Variants in OR4B1 observed in about 807,000 individuals in gnomAD.
The protein encoded by OR4B1 is olfactory receptor family 4 subfamily B member 1.
For synonymous variants in OR4B1, 196 were observed against 141.2 expected, an observed-to-expected ratio of 1.39 and a Z score of -2.75; for missense variants, 520 against 370.7, an observed-to-expected ratio of 1.40 and a Z score of -3.31.
rs771130172 is a variant in OR4B1 at position 48,217,002 on chromosome 11, T to G, written c.193T>G (p.Ser65Ala). Reference sequence around the variant, plus strand: ...CATGTACTTCTTCCTTAGCTGCCTGTCCTTGGTGGAGATCAGTTATTCCTC... The same window carrying G: ...CATGTACTTCTTCCTTAGCTGCCTGGCCTTGGTGGAGATCAGTTATTCCTC... Reference protein sequence around the residue: ...SPMYFFLSCLSLVEISYSSTI... With the variant: ...SPMYFFLSCLALVEISYSSTI... The change falls in exon 1 of 1, where the codon TCC becomes GCC. Residue 65 changes from serine (S) to alanine (A), a missense_variant. Coordinates refer to ENST00000309562, the MANE Select transcript of OR4B1 (RefSeq NM_001005470.1). 1 of 1,614,074 alleles carries G rather than the reference T, an allele frequency of 6.2e-7. No homozygotes were observed. Among genetic ancestry groups the G allele is most frequent in the Non-Finnish European group, 8.5e-7 (1 of 1,179,934 alleles).
Position 48,216,942 on chromosome 11 carries a change from C to T in OR4B1, c.133C>T (p.Leu45=), listed in dbSNP as rs1858630038. 1 of 1,613,994 alleles carries T rather than the reference C, an allele frequency of 6.2e-7. No individual in the cohort carries two copies. Residue 45 remains leucine, a synonymous_variant, in exon 1 of 1, where the codon CTG becomes TTG. Transcript: ENST00000309562. ...GGTGGTGGGCAATGGCCTCATCGTT[C>T]TGACGGTCAGTATCAGCAAGAGTCT... ...ATVVGNGLIV[L]TVSISKSLDS...
Position 48,216,916 on chromosome 11 carries a change from C to T in OR4B1, c.107C>T (p.Thr36Met), listed in dbSNP as rs145509417. The stretch of plus-strand genomic sequence containing the variant: ...GTGTTTCTCCCCGTGTACCTTGCCA[C>T]GGTGGTGGGCAATGGCCTCATCGTT... Reference protein sequence around the residue: ...FVVFLPVYLATVVGNGLIVLT... With the variant: ...FVVFLPVYLAMVVGNGLIVLT... The change falls in exon 1 of 1, where the codon ACG becomes ATG. Residue 36 changes from threonine to methionine, a missense_variant. Transcript: ENST00000309562. The T allele has an allele frequency of 6.4e-4, 1,039 of 1,613,718 alleles. No individual in the cohort carries two copies. Among genetic ancestry groups the T allele is most frequent in the Non-Finnish European group, 8.3e-4 (976 of 1,179,782 alleles).
In OR4B1 at chr11:48,217,035, G is replaced by C. The variant is rs550081185; in HGVS notation, c.226G>C (p.Ala76Pro). 1 of 1,613,674 alleles carries C rather than the reference G, an allele frequency of 6.2e-7. No homozygotes were observed. The highest frequency in any genetic ancestry group is 8.5e-7 in the Non-Finnish European group (1 of 1,179,682). Residue 76 changes from alanine (A) to proline (P), a missense_variant, in exon 1 of 1, where the codon GCC (alanine) becomes CCC (proline). Coordinates refer to ENST00000309562, the MANE Select transcript of OR4B1 (RefSeq NM_001005470.1). Reference sequence around the variant, plus strand: ...GGAGATCAGTTATTCCTCCACTATCGCCCCTAAATTCATCATAGACTTACT... The same window carrying C: ...GGAGATCAGTTATTCCTCCACTATCCCCCCTAAATTCATCATAGACTTACT... ...LVEISYSSTI[A>P]PKFIIDLLAK...
chr11:48,217,683 G>T lies in OR4B1; in HGVS notation c.874G>T (p.Val292Leu). 1.2e-6 allele frequency: 2 copies of T among 1,604,630 alleles called. No homozygotes were observed. Among genetic ancestry groups the T allele is most frequent in the African/African-American group, 2.7e-5 (2 of 75,020 alleles). The change falls in exon 1 of 1, where the codon GTG (valine) becomes TTG (leucine). Residue 292 changes from valine to leucine, a missense_variant. Transcript: ENST00000309562. Reference protein sequence around the residue: ...PIIYTLRNAEVKIAIRRLWSK... With the variant: ...PIIYTLRNAELKIAIRRLWSK... ...CATTTACACACTCAGGAATGCAGAG[G>T]TGAAAATCGCCATAAGAAGATTGTG...
At position 48,217,456 on chromosome 11, in the gene OR4B1, A is replaced by T; in HGVS notation, c.647A>T (p.Tyr216Phe). 6.2e-7 allele frequency: 1 copy of T among 1,613,986 alleles called. No individual in the cohort carries two copies. The highest frequency in any genetic ancestry group is 1.1e-5 in the South Asian group (1 of 91,078). The change falls in exon 1 of 1, where the codon TAT (tyrosine) becomes TTT (phenylalanine). Residue 216 changes from tyrosine to phenylalanine, a missense_variant. Tyr to Phe is a conservative substitution (Grantham distance 22). Coordinates refer to ENST00000309562, the MANE Select transcript of OR4B1 (RefSeq NM_001005470.1). ...VFSFLILVSS[Y>F]IVILVNLRNH... is the part of the protein sequence containing the mutation. ...TCCTTCCTCATCTTGGTGTCCTCTT[A>T]TATTGTCATTCTGGTCAACTTGAGG...
rs564104088 is a variant in OR4B1 at position 48,216,938 on chromosome 11, C to T, written c.129C>T (p.Ile43=). The T allele has an allele frequency of 5.6e-6, 9 of 1,614,000 alleles. No individual in the cohort carries two copies. Among genetic ancestry groups the T allele is most frequent in the East Asian group, 2.2e-5 (1 of 44,862 alleles). ...YLATVVGNGL[I]VLTVSISKSL... is the part of the protein sequence containing the mutation. Reference sequence around the variant, plus strand: ...CCACGGTGGTGGGCAATGGCCTCATCGTTCTGACGGTCAGTATCAGCAAGA... The same window carrying T: ...CCACGGTGGTGGGCAATGGCCTCATTGTTCTGACGGTCAGTATCAGCAAGA... Residue 43 remains isoleucine, a synonymous_variant, in exon 1 of 1, where the codon ATC becomes ATT. Transcript: ENST00000309562.
Position 48,217,444 on chromosome 11 carries a change from T to A in OR4B1, c.635T>A (p.Leu212Ter), listed in dbSNP as rs199813864. 7.1e-5 allele frequency: 114 copies of A among 1,614,184 alleles called. No individual in the cohort carries two copies. The Middle Eastern group carries it at 1.5e-3, about 21-fold the overall frequency. Residue 212 changes from leucine (L) to a stop codon, truncating the protein, a stop_gained, in exon 1 of 1, where the codon TTG (leucine) becomes TAG (stop). Transcript: ENST00000309562. LOFTEE classifies it low-confidence loss of function (END_TRUNC). ...GLFSVFSFLI[L>*]VSSYIVILVN... ...TTCTCTGTCTTCTCCTTCCTCATCT[T>A]GGTGTCCTCTTATATTGTCATTCTG...
Position 48,217,547 on chromosome 11 carries a change from C to T in OR4B1, c.738C>T (p.Ile246=). The T allele has an allele frequency of 6.2e-7, 1 of 1,614,178 alleles. No individual in the cohort carries two copies. The highest frequency in any genetic ancestry group is 8.5e-7 in the Non-Finnish European group (1 of 1,180,030). ...STCASHITVV[I]LFFGPAIFLY... ...GTGCTTCTCACATCACAGTGGTCAT[C>T]TTGTTTTTTGGACCTGCTATCTTCC... The change falls in exon 1 of 1, where the codon ATC becomes ATT. Residue 246 remains isoleucine (I), a synonymous_variant. Coordinates refer to ENST00000309562, the MANE Select transcript of OR4B1 (RefSeq NM_001005470.1).
chr11:48,217,215 C>A lies in OR4B1; in HGVS notation c.406C>A (p.Arg136Ser). Residue 136 changes from arginine to serine, a missense_variant, in exon 1 of 1, where the codon CGT becomes AGT. Transcript: ENST00000309562. The stretch of plus-strand genomic sequence containing the variant: ...TCTTCATTATATGAACATTATCAGT[C>A]GTCAACTGTGTCACCTTCTGGTGGC... ...KPLHYMNIIS[R>S]QLCHLLVAGS... The A allele has an allele frequency of 6.2e-7, 1 of 1,614,128 alleles. No individual in the cohort carries two copies. Among genetic ancestry groups the A allele is most frequent in the African/African-American group, 1.3e-5 (1 of 75,024 alleles).
Position 48,217,730 on chromosome 11 carries a change from G to A in OR4B1, c.921G>A (p.Gly307=). 3 of 1,588,328 alleles carry A rather than the reference G, an allele frequency of 1.9e-6. No homozygotes were observed. Among genetic ancestry groups the A allele is most frequent in the Non-Finnish European group, 2.6e-6 (3 of 1,172,600 alleles). Residue 307 remains glycine (G), a synonymous_variant, in exon 1 of 1, where the codon GGG becomes GGA. Transcript: ENST00000309562. ...RRLWSKKENP[G]RE ...TGTGGAGCAAAAAGGAGAATCCAGGGAGGGAGTGAAAAAAGAGCTTAGGGA... is the reference window on the plus strand; with the variant it reads ...TGTGGAGCAAAAAGGAGAATCCAGGAAGGGAGTGAAAAAAGAGCTTAGGGA...
chr11:48,217,118 C>G lies in OR4B1; in HGVS notation c.309C>G (p.His103Gln). Residue 103 changes from histidine to glutamine, a missense_variant, in exon 1 of 1, where the codon CAC becomes CAG. By Grantham distance (24) the His-to-Gln change is conservative. Transcript: ENST00000309562. ...EGCLTQIFFF[H>Q]FFGVAEILLI... ...GTCTGACTCAGATATTCTTCTTCCA[C>G]TTCTTTGGGGTTGCTGAGATCCTTT... 6.2e-7 allele frequency: 1 copy of G among 1,614,126 alleles called. No homozygotes were observed. The highest frequency in any genetic ancestry group is 2.2e-5 in the East Asian group (1 of 44,890).
chr11:48,217,077 ATCTCTCTGG>A lies in OR4B1; in HGVS notation c.269_277del (p.Ile90_Glu93delinsLys). 1 of 1,614,046 alleles carries A rather than the reference ATCTCTCTGG, an allele frequency of 6.2e-7. No homozygotes were observed. The highest frequency in any genetic ancestry group is 8.5e-7 in the Non-Finnish European group (1 of 1,179,982). On this transcript the variant is annotated inframe_deletion, in exon 1 of 1. Transcript: ENST00000309562. ...AGACTTACTTGCCAAGATTAAAACCATCTCTCTGGAAGGCTGTCTGACTCAGATATTCTT... is the reference window on the plus strand; with the variant it reads ...AGACTTACTTGCCAAGATTAAAACCAAAGGCTGTCTGACTCAGATATTCTT...
chr11:48,217,160 CTA>C lies in OR4B1; in HGVS notation c.353_354del (p.Tyr118Ter), dbSNP rs1565350502. 1 of 1,614,126 alleles carries C rather than the reference CTA, an allele frequency of 6.2e-7. No homozygotes were observed. ...AGATCCTTTTGATTGTGGTGATGGC[CTA>C]TGATTGCTACGTGGCCATTTGCAAG... ...AEILLIVVMA[Y>X]DCYVAICKPL... On this transcript the variant is annotated frameshift_variant, in exon 1 of 1. Coordinates refer to ENST00000309562, the MANE Select transcript of OR4B1 (RefSeq NM_001005470.1). LOFTEE classifies it low-confidence loss of function (END_TRUNC).
Position 48,217,189 on chromosome 11 carries a change from C to A in OR4B1, c.380C>A (p.Pro127His), listed in dbSNP as rs776267849. 1.2e-6 allele frequency: 2 copies of A among 1,614,112 alleles called. No homozygotes were observed. Among genetic ancestry groups the A allele is most frequent in the Admixed American group, 1.7e-5 (1 of 59,990 alleles). The part of the protein sequence containing the change: ...AYDCYVAICK[P>H]LHYMNIISRQ... ...GATTGCTACGTGGCCATTTGCAAGC[C>A]TCTTCATTATATGAACATTATCAGT... is the stretch of plus-strand genomic sequence containing the variant. Residue 127 changes from proline (P) to histidine (H), a missense_variant, in exon 1 of 1, where the codon CCT becomes CAT. Physicochemically the swap from Pro to His is moderately conservative, Grantham distance 77 (BLOSUM62 -2). Coordinates refer to ENST00000309562, the MANE Select transcript of OR4B1 (RefSeq NM_001005470.1).
At position 48,217,298 on chromosome 11, in the gene OR4B1, A is replaced by G. The variant is rs781575904; in HGVS notation, c.489A>G (p.Gln163=). The G allele has an allele frequency of 5.0e-6, 8 of 1,614,026 alleles. No homozygotes were observed. The highest frequency in any genetic ancestry group is 1.1e-5 in the South Asian group (1 of 91,072). Residue 163 remains glutamine, a synonymous_variant, in exon 1 of 1, where the codon CAA becomes CAG. Transcript: ENST00000309562. ...HSIIQILVII[Q]LPFCGPNVID... The stretch of plus-strand genomic sequence containing the variant: ...TAATTCAGATTCTCGTTATCATCCA[A>G]TTGCCCTTCTGTGGTCCCAATGTGA...
chr11:48,217,391 G>A lies in OR4B1; in HGVS notation c.582G>A (p.Gly194=). ...KLACTDTFME[G]VIVLANSGLF... is the part of the protein sequence containing the mutation. ...CCTGCACTGACACCTTCATGGAGGG[G>A]GTTATTGTGTTGGCCAACAGTGGAT... Residue 194 remains glycine, a synonymous_variant, in exon 1 of 1, where the codon GGG becomes GGA. Transcript: ENST00000309562. 1.2e-6 allele frequency: 2 copies of A among 1,614,026 alleles called. No homozygotes were observed.
rs868787316 is a variant in OR4B1 at position 48,216,901 on chromosome 11, C to T, written c.92C>T (p.Pro31Leu). ...AGTGTATGCTTTGTGGTGTTTCTCC[C>T]CGTGTACCTTGCCACGGTGGTGGGC... Reference protein sequence around the residue: ...VQSVCFVVFLPVYLATVVGNG... With the variant: ...VQSVCFVVFLLVYLATVVGNG... Residue 31 changes from proline to leucine, a missense_variant, in exon 1 of 1, where the codon CCC becomes CTC. Pro to Leu is a moderately conservative substitution (Grantham distance 98). Transcript: ENST00000309562. The T allele has an allele frequency of 1.2e-6, 2 of 1,613,872 alleles. No individual in the cohort carries two copies. The highest frequency in any genetic ancestry group is 2.2e-5 in the East Asian group (1 of 44,884).
chr11:48,216,894 T>C lies in OR4B1; in HGVS notation c.85T>C (p.Phe29Leu). ...TGTGCAGAGTGTATGCTTTGTGGTG[T>C]TTCTCCCCGTGTACCTTGCCACGGT... ...PAVQSVCFVVFLPVYLATVVG... is the reference protein window; with the variant it reads ...PAVQSVCFVVLLPVYLATVVG... Residue 29 changes from phenylalanine to leucine, a missense_variant, in exon 1 of 1, where the codon TTT (phenylalanine) becomes CTT (leucine). By Grantham distance (22) the Phe-to-Leu change is conservative (BLOSUM62 0). Transcript: ENST00000309562. 1.2e-6 allele frequency: 2 copies of C among 1,614,056 alleles called. No individual in the cohort carries two copies. The highest frequency in any genetic ancestry group is 1.7e-6 in the Non-Finnish European group (2 of 1,179,954).
At position 48,216,880 on chromosome 11, in the gene OR4B1, T is replaced by C. The variant is rs769774795; in HGVS notation, c.71T>C (p.Val24Ala). 1.2e-5 allele frequency: 19 copies of C among 1,613,922 alleles called. No homozygotes were observed. In the South Asian group the frequency reaches 2.1e-4, roughly 18 times the overall value. Reference sequence around the variant, plus strand: ...TTCCAGGATCCAGCTGTGCAGAGTGTATGCTTTGTGGTGTTTCTCCCCGTG... The same window carrying C: ...TTCCAGGATCCAGCTGTGCAGAGTGCATGCTTTGTGGTGTTTCTCCCCGTG... Reference protein sequence around the residue: ...GLFQDPAVQSVCFVVFLPVYL... With the variant: ...GLFQDPAVQSACFVVFLPVYL... Residue 24 changes from valine (V) to alanine (A), a missense_variant, in exon 1 of 1, where the codon GTA becomes GCA. Transcript: ENST00000309562.
Sources: allele counts gnomAD v4.1 joint callset, GRCh38; gene constraint gnomAD v4.1.1; transcripts MANE v1.5; gene names NCBI Gene and HGNC (gene_info 2026-07-23, HGNC 2026-07-21).